PTK2: variants seen among roughly 807,000 people sequenced by gnomAD.
PTK2 encodes the protein focal adhesion kinase 1.
PTK2 carries 45 observed loss-of-function variants against 150.1 expected under a neutral mutation model. The ratio of observed to expected loss-of-function variants is 0.30; its 90% confidence interval spans 0.24 to 0.38. PTK2 has a LOEUF of 0.38. Among genes scored for constraint, PTK2 ranks in the 10% least tolerant of loss-of-function variants. The pLI is 1.00. For missense variants in PTK2, 919 were observed against 1,307.3 expected (o/e 0.70, Z 4.58); for synonymous variants, 432 against 449.2 (o/e 0.96, Z 0.48).
chr8:140,962,290 A>C (rs1198526039), intron 1 of PTK2, among the ~76,000 whole-genome samples: 7 of 109,448 alleles, frequency 6.4e-5, no homozygotes, highest in Non-Finnish European at 1.1e-4. Flanking sequence ...GGAGGGAGGA[A>C]GGGAGGGAGG....
At chr8:140,983,665 AG>A (rs2100192250) in intron 1 of PTK2, among the ~76,000 whole-genome samples, 1 of 141,338 alleles carries the variant, frequency 7.1e-6, no homozygotes. Context: ...AAGTGAAGGA[AG>A]GAAGGAAGGA....
At chr8:140,720,404 GATC>G (rs2100042241) in intron 22 of PTK2, among the ~76,000 whole-genome samples, 1 of 151,588 alleles carries the variant, frequency 6.6e-6, no homozygotes, top group South Asian at 2.1e-4. Context: ...TAAATTCAGG[GATC>G]ATTAGTGGTT....
intron 29 of PTK2, chr8:140,669,478 T>G: frequency 2.0e-6 from 1 of 488,704 alleles, no homozygotes; most frequent in Non-Finnish European, 3.6e-6. Context: ...GATTAATTCT[T>G]GGTTGTTCCA....
intron 22 of PTK2, chr8:140,732,659 T>C: frequency 2.1e-6 from 1 of 466,774 alleles, no homozygotes; most frequent in East Asian, 6.7e-5. Flanking sequence ...GGAAAAGTGT[T>C]TTAGTCATCT....
intron 22 of PTK2, among the ~76,000 whole-genome samples, chr8:140,723,857 G>A (rs1447264559): frequency 2.6e-5 from 4 of 152,162 alleles, no homozygotes; most frequent in Non-Finnish European, 5.9e-5. Context: ...TTTATTTAGT[G>A]TTAGTTTTAT....
At chr8:140,760,791 T>C (rs2100068995) in intron 16 of PTK2, among the ~76,000 whole-genome samples, 1 of 152,184 alleles carries the variant, frequency 6.6e-6, no homozygotes, top group Non-Finnish European at 1.5e-5. Context: ...TTCATCTTTT[T>C]TGGAGGGTAA....
chr8:140,905,575 G>A (rs2100160550), intron 2 of PTK2, among the ~76,000 whole-genome samples: 2 of 151,968 alleles, frequency 1.3e-5, no homozygotes, highest in Non-Finnish European at 2.9e-5. Context: ...CAATAATAGC[G>A]GGAGACTTTA....
At chr8:140,850,438 A>T (rs1018675528) in intron 5 of PTK2, among the ~76,000 whole-genome samples, 1 of 142,586 alleles carries the variant, frequency 7.0e-6, no homozygotes, top group Non-Finnish European at 1.5e-5. Flanking sequence ...AAAAAAAACT[A>T]CGACGGGCCA....
intron 5 of PTK2, among the ~76,000 whole-genome samples, chr8:140,850,355 G>A (rs2100128423): frequency 6.6e-6 from 1 of 152,050 alleles, no homozygotes; most frequent in African/African-American, 2.4e-5. Flanking sequence ...GAACCCAGGA[G>A]GCGGAGGTTG....
chr8:140,766,222 T>G (rs183400453), intron 14 of PTK2, among the ~76,000 whole-genome samples: 33 of 152,298 alleles, frequency 2.2e-4, no homozygotes, highest in African/African-American at 7.5e-4. Flanking sequence ...CAGCTTCATA[T>G]GGCTGCAAAG....
At chr8:140,896,065 GATT>G (rs1205654386) in intron 2 of PTK2, among the ~76,000 whole-genome samples, 2 of 152,060 alleles carry the variant, frequency 1.3e-5, no homozygotes, top group African/African-American at 4.8e-5. Context: ...TACAATAAGG[GATT>G]ATTAATAACT....
intron 22 of PTK2, among the ~76,000 whole-genome samples, chr8:140,720,700 A>T (rs2154292503): frequency 6.6e-6 from 1 of 152,354 alleles, no homozygotes; most frequent in East Asian, 1.9e-4. Flanking sequence ...ATCAGATAAT[A>T]TCCTGTGTAA....
At chr8:140,751,982 A>G in intron 17 of PTK2, 1 of 643,774 alleles carries the variant, frequency 1.6e-6, no homozygotes, top group Non-Finnish European at 2.9e-6. Flanking sequence ...AAAGATGTGT[A>G]ATGGCCTAAG....
At chr8:140,974,096 T>C (rs750589889) in intron 1 of PTK2, among the ~76,000 whole-genome samples, 1 of 152,180 alleles carries the variant, frequency 6.6e-6, no homozygotes, top group Non-Finnish European at 1.5e-5. Flanking sequence ...CTAAATTACA[T>C]GTAATAATGC....
In PTK2 at chr8:140,800,449, A is replaced by T; in HGVS notation, c.1093+10T>A. 6.3e-7 allele frequency: 1 copy of T among 1,595,522 alleles called. No homozygotes were observed. Among genetic ancestry groups the T allele is most frequent in the Non-Finnish European group, 8.6e-7 (1 of 1,163,138 alleles). On this transcript the variant is annotated intron_variant, in intron 12 of 31. Coordinates refer to ENST00000522684, the Ensembl canonical transcript of PTK2. The stretch of plus-strand genomic sequence containing the variant: ...AGCGCAATTGGGAATGCTCAGAAAC[A>T]GCACCTCACCTTTCTGAGGTCTGAT...
intron 22 of PTK2, among the ~76,000 whole-genome samples, chr8:140,721,046 C>CTGTGCCTATACCT (rs1355366529): frequency 3.0e-4 from 45 of 152,078 alleles, no homozygotes; most frequent in African/African-American, 1.0e-3. Context: ...CATGAGCCAC[C>CTGTGCCTATACCT]ATGCCTGGCC....
chr8:140,800,581 C>T lies in PTK2; in HGVS notation c.976-5G>A, dbSNP rs201020551. On this transcript the variant is annotated splice_region_variant and splice_polypyrimidine_tract_variant and intron_variant, in intron 11 of 31. Transcript: ENST00000522684. Reference sequence around the variant, plus strand: ...TGGTGCCGTCACTGTCAGAGGCTAACGGAGAAAAGATCAAGAAAACAGACT... The same window carrying T: ...TGGTGCCGTCACTGTCAGAGGCTAATGGAGAAAAGATCAAGAAAACAGACT... 2.6e-5 allele frequency: 42 copies of T among 1,606,394 alleles called. No individual in the cohort carries two copies. The East Asian group carries it at 6.5e-4, about 25-fold the overall frequency.
At chr8:140,822,710 A>AT (rs2100109508) in intron 8 of PTK2, among the ~76,000 whole-genome samples, 1 of 152,188 alleles carries the variant, frequency 6.6e-6, no homozygotes, top group African/African-American at 2.4e-5. Context: ...TGGCACTTAT[A>AT]TAAGATCCAC....
chr8:140,918,612 A>G (rs953800267), intron 2 of PTK2, among the ~76,000 whole-genome samples: 1 of 152,158 alleles, frequency 6.6e-6, no homozygotes, highest in Admixed American at 6.5e-5. Flanking sequence ...CCGCACAGTG[A>G]GCTTGGTTCA....
Sources: gnomAD v4.1 joint callset for allele counts (sites outside exome capture counted in the v4.1 genomes callset) on GRCh38, gnomAD v4.1.1 for gene constraint, MANE v1.5 for transcripts, NCBI Gene and HGNC (gene_info 2026-07-23, HGNC 2026-07-21) for gene names.